Variants in NRXN3 observed in about 807,000 individuals in gnomAD.
NRXN3 encodes the protein neurexin 3.
Under a neutral mutation model 137.6 loss-of-function variants are expected in NRXN3, and 32 were observed. The ratio of observed to expected loss-of-function variants is 0.23; its 90% CI spans 0.18 to 0.31. The LOEUF is 0.31. Ranked by LOEUF, NRXN3 falls within the 10% of genes least tolerant of loss-of-function variation. The pLI is 1.00. For synonymous variants in NRXN3, 798 were observed against 784.5 expected (o/e 1.02, Z -0.29); for missense variants, 1,574 against 2,062.5 (o/e 0.76, Z 4.59).
chr14:79,442,199 T>A (rs2153571855), intron 15 of NRXN3, among the ~76,000 whole-genome samples: 1 of 152,324 alleles, frequency 6.6e-6, no homozygotes, highest in East Asian at 1.9e-4. Context: ...GTACTTATGA[T>A]GATATAAGCA....
At chr14:78,957,497 A>C (rs2099399085) in intron 11 of NRXN3, 136 bp downstream of exon 11, 2 of 1,020,686 alleles carry the variant, frequency 2.0e-6, no homozygotes, top group Non-Finnish European at 2.8e-6. Flanking sequence ...TGACAAACTC[A>C]GGCAAGGCTA....
At chr14:78,510,446 C>T (rs2096082304) in intron 4 of NRXN3, among the ~76,000 whole-genome samples, 1 of 152,054 alleles carries the variant, frequency 6.6e-6, no homozygotes, top group African/African-American at 2.4e-5. Context: ...TGTATTGATT[C>T]TCGGATGTTT....
chr14:79,852,676 C>A (rs1216155038), intron 20 of NRXN3, among the ~76,000 whole-genome samples: 1 of 151,836 alleles, frequency 6.6e-6, no homozygotes, highest in African/African-American at 2.4e-5. Context: ...TTTTGGCTAT[C>A]ACGAAAAGGG....
chr14:78,456,863 T>TTCTTTCTTTCTTTCTTTCTTTCTTTTTC (rs2094743743), intron 4 of NRXN3, among the ~76,000 whole-genome samples: 2 of 121,822 alleles, frequency 1.6e-5, no homozygotes, highest in Non-Finnish European at 3.7e-5. Context: ...CTTTTTCTCT[T>TTCTTTCTTTCTTTCTTTCTTTCTTTTTC]TCTTTCTTTC....
intron 10 of NRXN3, among the ~76,000 whole-genome samples, chr14:78,864,926 G>A (rs1238380841): frequency 6.6e-6 from 1 of 152,150 alleles, no homozygotes. Context: ...TTTATGATTT[G>A]CTTTAGATGA....
At chr14:79,140,538 C>T (rs973041798) in intron 15 of NRXN3, among the ~76,000 whole-genome samples, 11 of 150,416 alleles carry the variant, frequency 7.3e-5, no homozygotes, top group African/African-American at 1.2e-4. Flanking sequence ...ATCATAAGAG[C>T]GCCATGTTGC....
intron 12 of NRXN3, 40 bp downstream of exon 12, chr14:78,966,446 A>G (rs770648589): frequency 6.3e-7 from 1 of 1,576,220 alleles, no homozygotes; most frequent in Non-Finnish European, 8.6e-7. Flanking sequence ...GACACCTTTA[A>G]TCTACTGAAG....
At chr14:78,489,233 G>A (rs900533705) in intron 4 of NRXN3, among the ~76,000 whole-genome samples, 5 of 152,140 alleles carry the variant, frequency 3.3e-5, no homozygotes, top group Non-Finnish European at 5.9e-5. Flanking sequence ...GAAAATAACT[G>A]ACTCGCTCTC....
At chr14:78,240,380 A>G (rs1226198286) in intron 1 of NRXN3, among the ~76,000 whole-genome samples, 1 of 152,226 alleles carries the variant, frequency 6.6e-6, no homozygotes, top group Non-Finnish European at 1.5e-5. Flanking sequence ...TATGAGGAAC[A>G]TATAAGCCCC....
In NRXN3 at chr14:79,537,921, G is replaced by C. The variant is rs564783364; in HGVS notation, c.3444+70519G>C. On this transcript the variant is annotated intron_variant, in intron 16 of 20. Coordinates refer to ENST00000335750, the MANE Select transcript of NRXN3 (RefSeq NM_001330195.2). ...ACAGTCCCACCAACAGTGTCAAAGT[G>C]TTCCTATTTCTCCACATCCTCTCCA... Among the ~76,000 whole-genome samples, 14 of 152,260 alleles carry C rather than the reference G, an allele frequency of 9.2e-5. No individual in the cohort carries two copies. The East Asian group carries it at 9.6e-4, about 10-fold the overall frequency.
chr14:79,741,550 T>G (rs1306042703), intron 19 of NRXN3, among the ~76,000 whole-genome samples: 1 of 152,074 alleles, frequency 6.6e-6, no homozygotes, highest in African/African-American at 2.4e-5. Context: ...AGTGGCATGA[T>G]CTTGGCTTAC....
At chr14:78,862,370 T>C (rs1219691779) in intron 10 of NRXN3, among the ~76,000 whole-genome samples, 4 of 152,120 alleles carry the variant, frequency 2.6e-5, no homozygotes, top group Admixed American at 2.6e-4. Flanking sequence ...GAAGATTTAT[T>C]ACTAATGATA....
chr14:79,510,698 A>G (rs77934216), intron 16 of NRXN3, among the ~76,000 whole-genome samples: 2,411 of 152,312 alleles, frequency 0.016, 114 homozygotes, highest in East Asian at 0.15. Flanking sequence ...TGTTTCTCCA[A>G]TGCCTTGACT....
intron 15 of NRXN3, among the ~76,000 whole-genome samples, chr14:79,205,835 C>A (rs1053708714): frequency 1.2e-4 from 19 of 152,114 alleles, no homozygotes; most frequent in African/African-American, 4.1e-4. Flanking sequence ...TCTATTTCTC[C>A]ATGTTGCTAC....
chr14:79,619,269 T>C (rs2098195365), intron 16 of NRXN3, among the ~76,000 whole-genome samples: 1 of 152,106 alleles, frequency 6.6e-6, no homozygotes, highest in Non-Finnish European at 1.5e-5. Context: ...TAGTTGTGCA[T>C]TCTTTGCCAA....
intron 8 of NRXN3, among the ~76,000 whole-genome samples, chr14:78,756,861 A>G (rs1439277897): frequency 1.3e-5 from 2 of 152,200 alleles, no homozygotes; most frequent in African/African-American, 2.4e-5. Context: ...TACAAATCCT[A>G]TATTTCTCCT....
intron 16 of NRXN3, among the ~76,000 whole-genome samples, chr14:79,497,822 G>A (rs1364932616): frequency 6.6e-6 from 1 of 152,088 alleles, no homozygotes; most frequent in Admixed American, 6.6e-5. Flanking sequence ...GGATCACGAG[G>A]TCAGGAGCTC....
chr14:79,815,349 C>T (rs1017442010), intron 20 of NRXN3, among the ~76,000 whole-genome samples: 2 of 152,070 alleles, frequency 1.3e-5, no homozygotes, highest in African/African-American at 4.8e-5. Context: ...AAAGATTATT[C>T]AATAGGCCTA....
At chr14:78,996,178 A>T (rs2099529673) in intron 15 of NRXN3, among the ~76,000 whole-genome samples, 1 of 152,106 alleles carries the variant, frequency 6.6e-6, no homozygotes, top group Non-Finnish European at 1.5e-5. Flanking sequence ...TTTACCTTGA[A>T]TACCTCTTTC....
Sources: allele counts gnomAD v4.1 joint callset (sites outside exome capture counted in the v4.1 genomes callset), GRCh38; gene constraint gnomAD v4.1.1; transcripts MANE v1.5; gene names NCBI Gene and HGNC (gene_info 2026-07-23, HGNC 2026-07-21).